DNAAF11: variants seen among roughly 807,000 people sequenced by gnomAD.
DNAAF11 encodes dynein axonemal assembly factor 11.
DNAAF11 carries 45 observed loss-of-function variants against 60.8 expected under a neutral mutation model. The observed-to-expected ratio is 0.74, with a 90% CI of 0.58 to 0.95. The LOEUF is 0.95. DNAAF11 is among the 40% of genes least tolerant of loss of function. The probability of loss-of-function intolerance (pLI) is 0.00; values close to 1 mark genes in which losing one functional copy is unlikely to be tolerated. For missense variants in DNAAF11, 546 were observed against 546.2 expected, an observed-to-expected ratio of 1.00 and a Z score of 0.00; for synonymous variants, 191 against 183.5, an observed-to-expected ratio of 1.04 and a Z score of -0.33.
intron 10 of DNAAF11, among the ~76,000 whole-genome samples, chr8:132,603,651 T>C (rs1479608882): frequency 6.6e-6 from 1 of 151,508 alleles, no homozygotes; most frequent in Non-Finnish European, 1.5e-5. Flanking sequence ...TGAGAGATAA[T>C]GAGAAAAGAT....
chr8:132,651,658 CA>C (rs1399047451), intron 3 of DNAAF11, among the ~76,000 whole-genome samples: 1 of 152,130 alleles, frequency 6.6e-6, no homozygotes, highest in Non-Finnish European at 1.5e-5. Flanking sequence ...ATAAATAAAA[CA>C]AATCACACAA....
the DNAAF11 span, among the ~76,000 whole-genome samples, chr8:132,683,175 G>A: frequency 6.6e-6 from 1 of 152,162 alleles, no homozygotes; most frequent in Admixed American, 6.5e-5. Context: ...AATAAAAAAG[G>A]ATCTTTTCTG....
chr8:132,662,596 AAT>A (rs1824244832), intron 1 of DNAAF11, among the ~76,000 whole-genome samples: 1 of 152,218 alleles, frequency 6.6e-6, no homozygotes, highest in Admixed American at 6.5e-5. Context: ...TGCATGTATT[AAT>A]ATATGACTAT....
intron 10 of DNAAF11, among the ~76,000 whole-genome samples, chr8:132,593,916 G>A (rs1038002909): frequency 6.6e-6 from 1 of 151,978 alleles, no homozygotes; most frequent in Non-Finnish European, 1.5e-5. Context: ...AGACTTAAAG[G>A]TAAAAGCTAA....
the DNAAF11 span, among the ~76,000 whole-genome samples, chr8:132,691,531 C>T: frequency 6.6e-6 from 1 of 152,100 alleles, no homozygotes; most frequent in Admixed American, 6.6e-5. Context: ...ACCTGAGACT[C>T]GGCAATTTAT....
chr8:132,661,676 A>G (rs563518936), intron 1 of DNAAF11, 49 bp from the exon 2 acceptor site: 4 of 1,561,180 alleles, frequency 2.6e-6, no homozygotes, highest in African/African-American at 2.7e-5. Context: ...ATTGTTCAAT[A>G]TAAGATTATT....
At chr8:132,596,068 G>A (rs1252481898) in intron 10 of DNAAF11, among the ~76,000 whole-genome samples, 1 of 152,168 alleles carries the variant, frequency 6.6e-6, no homozygotes, top group African/African-American at 2.4e-5. Flanking sequence ...GGAGGAGCAG[G>A]TCTGCAGAAG....
intron 10 of DNAAF11, among the ~76,000 whole-genome samples, chr8:132,594,741 C>T (rs1816811309): frequency 6.6e-6 from 1 of 152,172 alleles, no homozygotes; most frequent in Non-Finnish European, 1.5e-5. Flanking sequence ...GATGTGCCTG[C>T]TTCCCCGTCC....
At chr8:132,572,538 C>G in intron 11 of DNAAF11, 58 bp from the exon 12 acceptor site, 2 of 1,288,766 alleles carry the variant, frequency 1.6e-6, no homozygotes, top group Non-Finnish European at 2.2e-6. Context: ...AAATTTCAAA[C>G]AGATTCAACT....
chr8:132,670,317 A>G (rs1051903191), intron 1 of DNAAF11, among the ~76,000 whole-genome samples: 1 of 152,208 alleles, frequency 6.6e-6, no homozygotes, highest in Non-Finnish European at 1.5e-5. Flanking sequence ...GAGAGGTAAC[A>G]TCATATGTAT....
At chr8:132,586,450 T>C (rs1815903422) in intron 10 of DNAAF11, among the ~76,000 whole-genome samples, 2 of 152,194 alleles carry the variant, frequency 1.3e-5, no homozygotes, top group South Asian at 2.1e-4. Flanking sequence ...GATAGGAACA[T>C]AACCACAGTC....
At chr8:132,656,585 T>G (rs969475757) in intron 3 of DNAAF11, among the ~76,000 whole-genome samples, 138 of 152,196 alleles carry the variant, frequency 9.1e-4, no homozygotes, top group African/African-American at 3.1e-3. Context: ...GATTCTCCTG[T>G]CTCAGCCTCC....
chr8:132,600,671 G>A (rs1817516412), intron 10 of DNAAF11, among the ~76,000 whole-genome samples: 2 of 152,090 alleles, frequency 1.3e-5, no homozygotes, highest in Non-Finnish European at 2.9e-5. Context: ...CAAGAAATGG[G>A]GAAAGGATTC....
chr8:132,630,433 A>G (rs1820685786), intron 5 of DNAAF11, among the ~76,000 whole-genome samples: 1 of 152,060 alleles, frequency 6.6e-6, no homozygotes, highest in African/African-American at 2.4e-5. Context: ...ACCCTACCCT[A>G]TACATTGGCA....
rs144399982 is a variant in DNAAF11, at chr8:132,675,488, G to T, written c.6C>A (p.Gly2=). 83 of 1,567,656 alleles carry T rather than the reference G, an allele frequency of 5.3e-5. No individual in the cohort carries two copies. In the African/African-American group the frequency reaches 9.9e-4, roughly 19 times the overall value. The change falls in exon 1 of 12, where the codon GGC becomes GGA. Residue 2 remains glycine (G), a synonymous_variant. Coordinates refer to ENST00000620350, the MANE Select transcript of DNAAF11 (RefSeq NM_012472.6). Reference sequence around the variant, plus strand: ...GGAAGGTGGAGGGGGGCTTACTCCAGCCCATGGCGCCTCTCCAGTTCGCTG... The same window carrying T: ...GGAAGGTGGAGGGGGGCTTACTCCATCCCATGGCGCCTCTCCAGTTCGCTG... M[G]WITEDLIRRN...
intron 2 of DNAAF11, among the ~76,000 whole-genome samples, 191 bp from the exon 3 acceptor site, chr8:132,657,098 A>G (rs899219942): frequency 6.6e-6 from 1 of 152,114 alleles, no homozygotes; most frequent in African/African-American, 2.4e-5. Flanking sequence ...TTCTCCCTCC[A>G]TCCTTCCTAA....
the DNAAF11 span, among the ~76,000 whole-genome samples, chr8:132,681,003 C>CT: frequency 4.9e-3 from 254 of 52,288 alleles, 29 homozygotes; most frequent in African/African-American, 0.021. Context: ...ATAACTATTC[C>CT]TTTTTTTTTT....
chr8:132,671,339 G>A (rs1825171758), intron 1 of DNAAF11, among the ~76,000 whole-genome samples: 1 of 152,164 alleles, frequency 6.6e-6, no homozygotes, highest in South Asian at 2.1e-4. Context: ...TATGTGCAAA[G>A]TCTGTCCATT....
At chr8:132,691,311 A>C in the DNAAF11 span, among the ~76,000 whole-genome samples, 45 of 152,264 alleles carry the variant, frequency 3.0e-4, no homozygotes, top group East Asian at 6.2e-3. Flanking sequence ...TTTCTAGGTC[A>C]TTTTGACCTA....
Sources: allele counts gnomAD v4.1 joint callset (sites outside exome capture counted in the v4.1 genomes callset), GRCh38; gene constraint gnomAD v4.1.1; transcripts MANE v1.5; gene names NCBI Gene and HGNC (gene_info 2026-07-23, HGNC 2026-07-21).